The following INTS12 variants were observed in gnomAD, a reference collection of about 807,000 sequenced individuals.
INTS12 encodes the protein integrator complex subunit 12.
Under a neutral mutation model 41.6 loss-of-function variants are expected in INTS12, and 13 were observed. The ratio of observed to expected loss-of-function variants is 0.31; its 90% CI spans 0.20 to 0.50. INTS12 has a LOEUF of 0.50. Among genes scored for constraint, INTS12 ranks in the 20% least tolerant of loss-of-function variants. INTS12 has a pLI of 0.98. For synonymous variants in INTS12, 199 were observed against 191.4 expected, an observed-to-expected ratio of 1.04 and a Z score of -0.33; for missense variants, 432 against 541.6, an observed-to-expected ratio of 0.80 and a Z score of 2.01.
At chr4:105,701,632 A>G (rs1000025192) in intron 2 of INTS12, among the ~76,000 whole-genome samples, 4 of 152,164 alleles carry the variant, frequency 2.6e-5, no homozygotes, top group Admixed American at 6.6e-5. Context: ...TAACAGCCTA[A>G]TCTCTTTTTT....
intron 5 of INTS12, 67 bp downstream of exon 5, chr4:105,693,232 G>T: frequency 1.6e-6 from 2 of 1,272,918 alleles, no homozygotes; most frequent in Non-Finnish European, 2.1e-6. Context: ...TTTGGGGGTT[G>T]AGGAGTGGAA....
chr4:105,698,206 C>T (rs1198513547), intron 3 of INTS12, among the ~76,000 whole-genome samples: 1 of 152,146 alleles, frequency 6.6e-6, no homozygotes, highest in East Asian at 1.9e-4. Context: ...TCACATTTGC[C>T]TTCCTCATTA....
At chr4:105,694,716 G>C (rs1731799514) in intron 4 of INTS12, among the ~76,000 whole-genome samples, 1 of 152,182 alleles carries the variant, frequency 6.6e-6, no homozygotes, top group Non-Finnish European at 1.5e-5. Context: ...AAACATACGG[G>C]ATAATATACT....
At chr4:105,701,268 ATTAG>A (rs1732063551) in intron 2 of INTS12, among the ~76,000 whole-genome samples, 4 of 145,436 alleles carry the variant, frequency 2.8e-5, no homozygotes, top group African/African-American at 1.0e-4. Context: ...CCAGGAAGGT[ATTAG>A]TTATCTACCT....
chr4:105,686,599 T>C lies in INTS12; in HGVS notation c.804+93A>G, dbSNP rs180835641. 1.2e-3 allele frequency: 1,053 copies of C among 912,028 alleles called. 1 individual carries two copies. The highest frequency in any genetic ancestry group is 1.6e-3 in the Non-Finnish European group (1,002 of 607,562). 56.5% of individuals were successfully genotyped at this position (912,028 alleles called of 1,614,324 possible). A position where few individuals can be genotyped will look rare whatever the true frequency, so the allele number is the denominator to read the frequency against. ...TTCTAAAATATAGCCATTTAGTATATAAAGTTTCTCATTAAATTTTTTATC... is the reference window on the plus strand; with the variant it reads ...TTCTAAAATATAGCCATTTAGTATACAAAGTTTCTCATTAAATTTTTTATC... On this transcript the variant is annotated intron_variant, in intron 7 of 7. Transcript: ENST00000340139.
At chr4:105,706,254 CTTTT>C (rs757516945) in intron 1 of INTS12, 4 of 125,404 alleles carry the variant, frequency 3.2e-5, no homozygotes, top group Non-Finnish European at 5.0e-5. Context: ...ACTTCAATCT[CTTTT>C]TTTTTTTTTT....
chr4:105,686,922 T>G, intron 6 of INTS12, 84 bp from the exon 7 acceptor site: 1 of 1,161,566 alleles, frequency 8.6e-7, no homozygotes, highest in Non-Finnish European at 1.3e-6. Context: ...GACTCATCAC[T>G]GAAATGAAAT....
intron 2 of INTS12, chr4:105,702,814 C>T (rs905670473): frequency 1.2e-6 from 1 of 863,436 alleles, no homozygotes; most frequent in African/African-American, 1.8e-5. Flanking sequence ...AAACAGAAAA[C>T]AGTAGTTGAA....
chr4:105,696,138 A>T (rs956473888), intron 3 of INTS12, among the ~76,000 whole-genome samples: 3 of 152,158 alleles, frequency 2.0e-5, no homozygotes, highest in African/African-American at 7.2e-5. Context: ...GACGTGTACC[A>T]CCACACCTGG....
intron 3 of INTS12, among the ~76,000 whole-genome samples, chr4:105,698,809 C>T (rs906510730): frequency 2.0e-5 from 3 of 152,188 alleles, no homozygotes; most frequent in Admixed American, 1.3e-4. Context: ...TTTACTTGGG[C>T]TCTGAGCCTG....
At chr4:105,699,392 G>A (rs1040787839) in intron 3 of INTS12, among the ~76,000 whole-genome samples, 6 of 152,058 alleles carry the variant, frequency 3.9e-5, no homozygotes, top group African/African-American at 1.4e-4. Context: ...TATCAAGACA[G>A]GAGCTACACA....
intron 1 of INTS12, among the ~76,000 whole-genome samples, chr4:105,704,833 CA>C (rs1358507824): frequency 2.0e-5 from 3 of 152,110 alleles, no homozygotes; most frequent in Admixed American, 6.5e-5. Context: ...ATTCAATAAC[CA>C]AACCTCTTAA....
chr4:105,705,246 A>C (rs1732224239), intron 1 of INTS12: 1 of 152,134 alleles, frequency 6.6e-6, no homozygotes, highest in Non-Finnish European at 1.5e-5. Context: ...TCCTATGTGA[A>C]CTGTGCATGT....
chr4:105,699,916 C>A lies in INTS12; in HGVS notation c.90G>T (p.Lys30Asn). 3.2e-6 allele frequency: 5 copies of A among 1,568,404 alleles called. No homozygotes were observed. Among genetic ancestry groups the A allele is most frequent in the Non-Finnish European group, 3.5e-6 (4 of 1,146,594 alleles). The change falls in exon 3 of 8, where the codon AAG (lysine) becomes AAT (asparagine). Residue 30 changes from lysine (K) to asparagine (N), a missense_variant. Lys to Asn is a moderately conservative substitution (Grantham distance 94, BLOSUM62 0). Around this residue, in one of 3 missense-constraint regions of INTS12, gnomAD observed 168 missense variants for 198.9 expected, o/e 0.84. Transcript: ENST00000340139. Reference protein sequence around the residue: ...LHSKSKDSAEKLKALLDESLA... With the variant: ...LHSKSKDSAENLKALLDESLA... ...AAGATTCATCAAGCAGTGCTTTTAGCTTTTCAGCAGAATCTTTACTCTTTG... is the reference window on the plus strand; with the variant it reads ...AAGATTCATCAAGCAGTGCTTTTAGATTTTCAGCAGAATCTTTACTCTTTG...
At chr4:105,698,076 C>T (rs1042264223) in intron 3 of INTS12, among the ~76,000 whole-genome samples, 1 of 151,908 alleles carries the variant, frequency 6.6e-6, no homozygotes, top group African/African-American at 2.4e-5. Flanking sequence ...AAAACAAAAA[C>T]GTGTATTGTG....
chr4:105,700,580 A>G (rs1352735893), intron 2 of INTS12, among the ~76,000 whole-genome samples: 3 of 150,064 alleles, frequency 2.0e-5, no homozygotes, highest in Non-Finnish European at 4.4e-5. Context: ...TCTCTGCCCC[A>G]ACCCTAAATG....
At position 105,683,033 on chromosome 4, in the gene INTS12, A is replaced by G. The variant is rs35370743; in HGVS notation, c.1089T>C (p.Pro363=). ...CAGTTTTACCCAAGGTTAGAGGTGG[A>G]GGTGGTTTTAAAGGTACAGTGGGCG... ...STTPTVPLKP[P]PPLTLGKTGL... Residue 363 remains proline, a synonymous_variant, in exon 8 of 8, where the codon CCT becomes CCC. Coordinates refer to ENST00000340139, the MANE Select transcript of INTS12 (RefSeq NM_020395.4). 91,386 of 1,614,034 alleles carry G rather than the reference A, an allele frequency of 0.057. 2,951 individuals carry two copies. The highest frequency in any genetic ancestry group is 0.092 in the Middle Eastern group (559 of 6,062).
At chr4:105,700,328 C>T (rs1427161093) in intron 2 of INTS12, 2 of 165,898 alleles carry the variant, frequency 1.2e-5, no homozygotes, top group African/African-American at 4.8e-5. Context: ...AGATACACTT[C>T]GCAGTTTCAG....
chr4:105,690,078 GAA>G (rs975852068), intron 6 of INTS12, among the ~76,000 whole-genome samples: 4 of 152,158 alleles, frequency 2.6e-5, no homozygotes, highest in Non-Finnish European at 5.9e-5. Flanking sequence ...TATCCCAGAT[GAA>G]GAGAAGAAGC....
Sources: allele counts gnomAD v4.1 joint callset (sites outside exome capture counted in the v4.1 genomes callset), GRCh38; gene constraint gnomAD v4.1.1; regional missense constraint gnomAD v4.1.1; transcripts MANE v1.5; gene names NCBI Gene and HGNC (gene_info 2026-07-23, HGNC 2026-07-21).